The following BST1 variants were observed in gnomAD, a reference collection of about 807,000 sequenced individuals.
BST1 encodes ADP-ribosyl cyclase/cyclic ADP-ribose hydrolase 2.
In BST1, 49 loss-of-function variants were observed where a neutral mutation model predicts 40.6. The ratio of observed to expected loss-of-function variants is 1.21; its 90% CI spans 0.96 to 1.53. The LOEUF is 1.53. Among genes scored for constraint, BST1 ranks in the 40% most tolerant of loss-of-function variants. The pLI is 0.00. For missense variants in BST1, 423 were observed against 395.9 expected (o/e 1.07, Z -0.58); for synonymous variants, 157 against 159.3 (o/e 0.99, Z 0.11).
the BST1 span, chr4:15,743,587 G>A: frequency 2.1e-5 from 7 of 336,698 alleles, no homozygotes; most frequent in South Asian, 1.3e-4. Context: ...GCCCAGCTGG[G>A]AGCCTCTGCG....
the BST1 span, among the ~76,000 whole-genome samples, chr4:15,753,218 A>G: frequency 6.6e-6 from 1 of 152,136 alleles, no homozygotes; most frequent in Non-Finnish European, 1.5e-5. Flanking sequence ...TTCTTCTTCT[A>G]AAATTTCAGA....
intron 8 of BST1, among the ~76,000 whole-genome samples, chr4:15,727,274 G>A (rs1721165581): frequency 6.6e-6 from 1 of 152,162 alleles, no homozygotes; most frequent in African/African-American, 2.4e-5. Flanking sequence ...TAAGTAAGGG[G>A]TTTGCAGTTC....
chr4:15,703,716 GGGTGTGTGTGTGTGTGTGTGCTCT>G (rs1719692523), intron 1 of BST1, among the ~76,000 whole-genome samples: 3 of 141,844 alleles, frequency 2.1e-5, no homozygotes, highest in Non-Finnish European at 3.1e-5. Context: ...CTAGAGGTGG[GGGTGTGTGTGTGTGTGTGTGCTCT>G]AGAGGTGAGG....
intron 8 of BST1, chr4:15,723,810 CCAG>C (rs1361596622): frequency 5.7e-6 from 1 of 174,804 alleles, no homozygotes; most frequent in African/African-American, 2.4e-5. Flanking sequence ...ACTTCCACCA[CCAG>C]TATATGCTAG....
intron 4 of BST1, among the ~76,000 whole-genome samples, chr4:15,714,349 G>A (rs1720391388): frequency 6.6e-6 from 1 of 152,172 alleles, no homozygotes; most frequent in African/African-American, 2.4e-5. Flanking sequence ...TGCTCCAGTA[G>A]TATTCTCAAG....
the BST1 span, among the ~76,000 whole-genome samples, chr4:15,748,135 G>T: frequency 6.6e-6 from 1 of 152,134 alleles, no homozygotes; most frequent in Non-Finnish European, 1.5e-5. Context: ...ATCCAGCCTT[G>T]TATATTACGT....
intron 1 of BST1, among the ~76,000 whole-genome samples, chr4:15,703,561 A>AGT (rs200430877): frequency 2.4e-5 from 3 of 126,868 alleles, no homozygotes; most frequent in African/African-American, 3.1e-5. Context: ...TCTAGAGATG[A>AGT]GTGTGTGTGT....
At chr4:15,733,716 A>G (rs931010296), downstream of BST1, among the ~76,000 whole-genome samples, 6 of 152,182 alleles carry the variant, frequency 3.9e-5, no homozygotes, top group Admixed American at 6.5e-5. Context: ...TCAAACCACC[A>G]GATCTCGTGA....
chr4:15,717,358 A>T (rs1720571913), intron 6 of BST1, among the ~76,000 whole-genome samples: 1 of 152,086 alleles, frequency 6.6e-6, no homozygotes, highest in African/African-American at 2.4e-5. Flanking sequence ...GAGGCTGTTT[A>T]CCATCCCATT....
the BST1 span, among the ~76,000 whole-genome samples, chr4:15,748,179 G>A: frequency 2.6e-5 from 4 of 152,160 alleles, no homozygotes; most frequent in East Asian, 3.8e-4. Context: ...ATTCTCATGC[G>A]TGCTTTCCCA....
chr4:15,768,290 A>G, the BST1 span, among the ~76,000 whole-genome samples: 3 of 152,202 alleles, frequency 2.0e-5, no homozygotes, highest in Non-Finnish European at 4.4e-5. Flanking sequence ...ACAATGCGCT[A>G]AATGTGAAAT....
chr4:15,718,749 G>A (rs577784796), intron 6 of BST1, among the ~76,000 whole-genome samples, 158 bp from the exon 7 acceptor site: 8 of 152,302 alleles, frequency 5.3e-5, no homozygotes, highest in East Asian at 1.9e-4. Flanking sequence ...CAGGTTTACC[G>A]GAAGCAGCCC....
chr4:15,713,181 C>T (rs951061161), intron 4 of BST1, among the ~76,000 whole-genome samples: 1 of 150,478 alleles, frequency 6.6e-6, no homozygotes, highest in Non-Finnish European at 1.5e-5. Flanking sequence ...TAAATGTTAG[C>T]AGTCATTATT....
At chr4:15,715,628 A>G (rs1454830882) in intron 5 of BST1, 79 bp from the exon 6 acceptor site, 3 of 1,047,214 alleles carry the variant, frequency 2.9e-6, no homozygotes, top group Non-Finnish European at 4.1e-6. Flanking sequence ...ATTTTTTTTT[A>G]AGAAAGGTAA....
At chr4:15,773,877 T>C in the BST1 span, among the ~76,000 whole-genome samples, 4 of 152,024 alleles carry the variant, frequency 2.6e-5, no homozygotes, top group Non-Finnish European at 5.9e-5. Context: ...CAAAACCCAT[T>C]CTTGCTTAAA....
intron 3 of BST1, 136 bp downstream of exon 3, chr4:15,707,782 TTAA>T (rs1406429826): frequency 9.1e-7 from 1 of 1,093,366 alleles, no homozygotes; most frequent in Admixed American, 3.1e-5. Flanking sequence ...GCAAGAATAG[TTAA>T]TAATAACAAT....
the BST1 span, among the ~76,000 whole-genome samples, chr4:15,772,284 T>C: frequency 2.0e-5 from 3 of 152,282 alleles, no homozygotes; most frequent in East Asian, 5.8e-4. Flanking sequence ...CCTTCTTGCA[T>C]GGTAACTGAT....
chr4:15,715,298 G>T lies in BST1; in HGVS notation c.548G>T (p.Ser183Ile). ...KRASIQYSKD[S>I]SGVIHVMLNG... The stretch of plus-strand genomic sequence containing the variant: ...TTCTTCTCGTAGTATTCCAAGGATA[G>T]TTCTGGGGTGATCCACGTCATGCTG... Residue 183 changes from serine to isoleucine, a missense_variant, in exon 5 of 9, where the codon AGT becomes ATT. Transcript: ENST00000265016. 6.2e-7 allele frequency: 1 copy of T among 1,614,108 alleles called. No homozygotes were observed. Among genetic ancestry groups the T allele is most frequent in the East Asian group, 2.2e-5 (1 of 44,872 alleles).
chr4:15,727,741 T>C (rs978079612), intron 8 of BST1, among the ~76,000 whole-genome samples: 4 of 152,102 alleles, frequency 2.6e-5, no homozygotes, highest in Non-Finnish European at 4.4e-5. Flanking sequence ...GGTCACACTT[T>C]AGGGTACTTT....
Sources: gnomAD v4.1 joint callset for allele counts (sites outside exome capture counted in the v4.1 genomes callset) on GRCh38, gnomAD v4.1.1 for gene constraint, MANE v1.5 for transcripts, NCBI Gene and HGNC (gene_info 2026-07-23, HGNC 2026-07-21) for gene names.